The following COL19A1 variants were observed in gnomAD, a reference collection of about 807,000 sequenced individuals.
COL19A1 encodes collagen type XIX alpha 1 chain, also known as collagen alpha-1(XIX) chain.
Under a neutral mutation model 190.2 loss-of-function variants are expected in COL19A1, and 159 were observed. The ratio of observed to expected loss-of-function variants is 0.84; its 90% confidence interval spans 0.73 to 0.95. The LOEUF is 0.95. Among genes scored for constraint, COL19A1 ranks in the 40% least tolerant of loss-of-function variants. The pLI, the probability that COL19A1 is intolerant of heterozygous loss-of-function variation, is 0.00. For missense variants in COL19A1, 1,418 were observed against 1,431.9 expected, an observed-to-expected ratio of 0.99 and a Z score of 0.16; for synonymous variants, 509 against 458.9, an observed-to-expected ratio of 1.11 and a Z score of -1.39.
At chr6:70,189,424 G>A (rs1462926939) in intron 47 of COL19A1, among the ~76,000 whole-genome samples, 1 of 152,206 alleles carries the variant, frequency 6.6e-6, no homozygotes, top group African/African-American at 2.4e-5. Flanking sequence ...TATGGTCTTT[G>A]TTCATGTTTA....
intron 4 of COL19A1, among the ~76,000 whole-genome samples, chr6:69,908,801 G>A (rs1290433530): frequency 1.3e-5 from 2 of 152,088 alleles, no homozygotes; most frequent in African/African-American, 4.8e-5. Flanking sequence ...AATCATATGT[G>A]TATAAATTCT....
In COL19A1 at chr6:70,086,567, G is replaced by A. The variant is rs145874809; in HGVS notation, c.1225-15602G>A. Among the ~76,000 whole-genome samples the A allele has an allele frequency of 1.4e-4, 21 of 152,098 alleles. No homozygotes were observed. The East Asian group carries it at 3.9e-3, about 28-fold the overall frequency. On this transcript the variant is annotated intron_variant, in intron 15 of 50. Coordinates refer to ENST00000620364, the MANE Select transcript of COL19A1 (RefSeq NM_001858.6). ...CTGTGGGAAAATAATCATTTGTTATGTTACTCTTTTTACATATCTGCATTT... is the reference window on the plus strand; with the variant it reads ...CTGTGGGAAAATAATCATTTGTTATATTACTCTTTTTACATATCTGCATTT...
chr6:69,893,705 T>A (rs182717667), intron 2 of COL19A1, among the ~76,000 whole-genome samples: 10 of 152,320 alleles, frequency 6.6e-5, no homozygotes, highest in Admixed American at 6.5e-4. Context: ...TATAGAAAAT[T>A]CTTTCTCCTT....
rs148762176 is a variant in COL19A1, at chr6:70,007,384, A to G, written c.1027-16243A>G. 6.9e-3 allele frequency among the ~76,000 whole-genome samples: 1,053 copies of G among 152,224 alleles called. 13 individuals are homozygous for G. The highest frequency in any genetic ancestry group is 0.024 in the African/African-American group (983 of 41,564). ...ACAGGTTGAAAGTTAAAGGATATAT[A>G]CAAAGATGTACTATGTAAAGAGTAA... On this transcript the variant is annotated intron_variant, in intron 11 of 50. Coordinates refer to ENST00000620364, the MANE Select transcript of COL19A1 (RefSeq NM_001858.6).
At chr6:70,059,798 G>A (rs754017434) in intron 14 of COL19A1, 1 of 526,870 alleles carries the variant, frequency 1.9e-6, no homozygotes, top group Non-Finnish European at 3.9e-6. Flanking sequence ...TTTCAGAAAA[G>A]TGATAAATCT....
At chr6:70,158,334 A>T (rs1366112454) in intron 34 of COL19A1, among the ~76,000 whole-genome samples, 1 of 152,108 alleles carries the variant, frequency 6.6e-6, no homozygotes, top group Non-Finnish European at 1.5e-5. Context: ...CAACTGGCCA[A>T]TGAACTATAC....
intron 22 of COL19A1, among the ~76,000 whole-genome samples, 199 bp from the exon 23 acceptor site, chr6:70,142,566 TAA>T (rs1786329333): frequency 1.3e-5 from 2 of 152,132 alleles, no homozygotes; most frequent in Non-Finnish European, 2.9e-5. Context: ...TGAGAACACA[TAA>T]ATTAAAAGTA....
chr6:69,976,115 T>G (rs1775698935), intron 11 of COL19A1, among the ~76,000 whole-genome samples: 1 of 152,190 alleles, frequency 6.6e-6, no homozygotes, highest in African/African-American at 2.4e-5. Context: ...TGTATATTTT[T>G]TAAATGAGCA....
chr6:70,100,686 A>C (rs948962388), intron 15 of COL19A1, among the ~76,000 whole-genome samples: 3 of 151,790 alleles, frequency 2.0e-5, no homozygotes, highest in African/African-American at 7.3e-5. Flanking sequence ...AGTAGAAATG[A>C]GGTTTCTCCA....
chr6:70,037,398 C>T (rs1244988571), intron 14 of COL19A1, among the ~76,000 whole-genome samples: 5 of 152,018 alleles, frequency 3.3e-5, no homozygotes, highest in Non-Finnish European at 2.9e-5. Context: ...TCAGGTGATC[C>T]GCCCACTTCG....
intron 18 of COL19A1, among the ~76,000 whole-genome samples, chr6:70,137,408 T>C (rs1785939653): frequency 6.6e-6 from 1 of 152,190 alleles, no homozygotes; most frequent in Non-Finnish European, 1.5e-5. Flanking sequence ...TAGATAGATA[T>C]TCTTTCCTGG....
At chr6:69,909,674 C>G (rs920152939) in intron 4 of COL19A1, among the ~76,000 whole-genome samples, 1 of 152,042 alleles carries the variant, frequency 6.6e-6, no homozygotes, top group Non-Finnish European at 1.5e-5. Context: ...CCAATTTATC[C>G]ATATCCAAGG....
intron 14 of COL19A1, among the ~76,000 whole-genome samples, chr6:70,037,993 T>A (rs1189407078): frequency 6.6e-6 from 1 of 152,166 alleles, no homozygotes; most frequent in African/African-American, 2.4e-5. Flanking sequence ...ATTACTTTCT[T>A]TATTAATATA....
intron 15 of COL19A1, among the ~76,000 whole-genome samples, chr6:70,074,672 T>C (rs1781770570): frequency 6.6e-6 from 1 of 152,122 alleles, no homozygotes; most frequent in African/African-American, 2.4e-5. Flanking sequence ...TTACACAGGC[T>C]TGAATTTTAG....
chr6:70,187,214 A>G (rs1346797051), intron 46 of COL19A1, among the ~76,000 whole-genome samples: 1 of 152,138 alleles, frequency 6.6e-6, no homozygotes, highest in Non-Finnish European at 1.5e-5. Flanking sequence ...TATACTATTG[A>G]GTAAATGATG....
rs531450830 is a variant in COL19A1, at chr6:69,873,217, A to G, written c.-32-6319A>G. 2.0e-5 allele frequency among the ~76,000 whole-genome samples: 3 copies of G among 151,910 alleles called. No individual in the cohort carries two copies. The South Asian group carries it at 6.3e-4, about 32-fold the overall frequency. On this transcript the variant is annotated intron_variant, in intron 1 of 50. Transcript: ENST00000620364. The stretch of plus-strand genomic sequence containing the variant: ...GCCCACCTAAAACCTGAGCTTCTAG[A>G]CCAGTCTCTGAATAATCAAGATCCT...
At chr6:69,984,855 C>T (rs1776231188) in intron 11 of COL19A1, among the ~76,000 whole-genome samples, 2 of 152,006 alleles carry the variant, frequency 1.3e-5, no homozygotes, top group South Asian at 2.1e-4. Context: ...GAATGTTGCT[C>T]GGGAGTTATC....
At chr6:70,190,816 C>G (rs922639479) in intron 48 of COL19A1, among the ~76,000 whole-genome samples, 2 of 152,082 alleles carry the variant, frequency 1.3e-5, no homozygotes, top group African/African-American at 4.8e-5. Flanking sequence ...TTATTTAGAC[C>G]AAAGTCAGCA....
chr6:70,152,581 T>A (rs1421843069), intron 31 of COL19A1, among the ~76,000 whole-genome samples: 1 of 152,170 alleles, frequency 6.6e-6, no homozygotes, highest in African/African-American at 2.4e-5. Flanking sequence ...TGCCACTCAA[T>A]ATGCCACTTT....
Sources: allele counts gnomAD v4.1 joint callset (sites outside exome capture counted in the v4.1 genomes callset), GRCh38; gene constraint gnomAD v4.1.1; transcripts MANE v1.5; gene names NCBI Gene and HGNC (gene_info 2026-07-23, HGNC 2026-07-21).